The following DACH2 variants were observed in gnomAD, a reference collection of about 807,000 sequenced individuals.
The protein encoded by DACH2 is dachshund family transcription factor 2.
A neutral mutation model predicts 35.8 loss-of-function variants in DACH2; 17 were observed. That is an observed-to-expected ratio of 0.48 (90% CI 0.33 to 0.71). The LOEUF is 0.71. Among genes scored for constraint, DACH2 ranks in the 30% least tolerant of loss-of-function variants. The probability of loss-of-function intolerance (pLI) is 0.02; values close to 1 mark genes in which losing one functional copy is unlikely to be tolerated. For missense variants in DACH2, 469 were observed against 472.7 expected, an observed-to-expected ratio of 0.99 and a Z score of 0.07; for synonymous variants, 195 against 177.3, an observed-to-expected ratio of 1.10 and a Z score of -0.79.
chrX:86,660,044 C>T (rs774175523), intron 4 of DACH2, among the ~76,000 whole-genome samples: 32 of 111,143 alleles, frequency 2.9e-4, no homozygotes, highest in Non-Finnish European at 5.9e-4. Context: ...AGTACACTGA[C>T]AGAAATGTTT....
intron 7 of DACH2, among the ~76,000 whole-genome samples, chrX:86,778,230 G>T (rs747959951): frequency 1.3e-4 from 14 of 111,035 alleles, no homozygotes; most frequent in Non-Finnish European, 2.5e-4. Context: ...TTTCCATAAT[G>T]GCTGTACTGA....
rs1424496233 is a variant in DACH2, at chrX:86,285,853, T to C, written c.489-90971T>C. Among the ~76,000 whole-genome samples, 3 of 111,186 alleles carry C rather than the reference T, an allele frequency of 2.7e-5. No individual in the cohort carries two copies. The Admixed American group carries it at 2.9e-4, about 11-fold the overall frequency. On this transcript the variant is annotated intron_variant, in intron 1 of 11. Transcript: ENST00000373125. Reference sequence around the variant, plus strand: ...TTTATACATTTCGGTGCTCCAGTGTTGGGTGTATATATATTTAAATTGTAT... The same window carrying C: ...TTTATACATTTCGGTGCTCCAGTGTCGGGTGTATATATATTTAAATTGTAT...
intron 5 of DACH2, among the ~76,000 whole-genome samples, chrX:86,705,028 T>TTATATATATATATATATCTCA (rs2041195890): frequency 2.9e-5 from 1 of 34,921 alleles, no homozygotes; most frequent in Non-Finnish European, 5.7e-5. Context: ...ACAGAAATTG[T>TTATATATATATATATATCTCA]TATATATATA....
At chrX:86,274,451 CTTTTT>C (rs1160584218) in intron 1 of DACH2, among the ~76,000 whole-genome samples, 1 of 31,320 alleles carries the variant, frequency 3.2e-5, no homozygotes, top group Non-Finnish European at 5.1e-5. Flanking sequence ...ACATTAAATC[CTTTTT>C]TTTTTTTTCT....
intron 2 of DACH2, among the ~76,000 whole-genome samples, chrX:86,383,109 AG>A (rs2148110858): frequency 9.0e-6 from 1 of 110,889 alleles, no homozygotes; most frequent in African/African-American, 3.3e-5. Context: ...CAACTGGGTT[AG>A]CTAATTTTTT....
rs977156129 is a variant in DACH2 at position 86,463,087 on chromosome X, C to T, written c.528-51192C>T. ...AACAGATTCTGATTGCAAAGCACTA[C>T]GATAGAAACTAACCATAATATTCAA... On this transcript the variant is annotated intron_variant, in intron 2 of 11. Coordinates refer to ENST00000373125, the MANE Select transcript of DACH2 (RefSeq NM_053281.3). 8.1e-5 allele frequency among the ~76,000 whole-genome samples: 9 copies of T among 111,163 alleles called. 1 individual carries two copies. Among genetic ancestry groups the T allele is most frequent in the East Asian group, 5.6e-4 (2 of 3,540 alleles).
At chrX:86,396,933 A>C (rs2036307560) in intron 2 of DACH2, among the ~76,000 whole-genome samples, 2 of 111,110 alleles carry the variant, frequency 1.8e-5, no homozygotes, top group South Asian at 7.7e-4. Flanking sequence ...GAAGAAAGTC[A>C]TTGGTAGCTT....
At chrX:86,415,868 ATGT>A (rs2036696316) in intron 2 of DACH2, among the ~76,000 whole-genome samples, 2 of 111,802 alleles carry the variant, frequency 1.8e-5, no homozygotes, top group South Asian at 7.5e-4. Flanking sequence ...AATTAATAAA[ATGT>A]TGTGTATATA....
At chrX:86,623,995 T>C (rs936261117) in intron 3 of DACH2, among the ~76,000 whole-genome samples, 1 of 80,404 alleles carries the variant, frequency 1.2e-5, no homozygotes, top group Non-Finnish European at 2.3e-5. Context: ...TTGCAGTGAG[T>C]CGAGATCGCG....
intron 2 of DACH2, among the ~76,000 whole-genome samples, chrX:86,438,530 C>T (rs779493252): frequency 9.0e-6 from 1 of 111,648 alleles, no homozygotes; most frequent in South Asian, 3.7e-4. Flanking sequence ...TTGGCCCGAA[C>T]TCATTCTTTT....
chrX:86,397,335 A>T (rs1391097767), intron 2 of DACH2, among the ~76,000 whole-genome samples: 1 of 111,686 alleles, frequency 9.0e-6, no homozygotes, highest in Non-Finnish European at 1.9e-5. Context: ...GTCATCTGCA[A>T]ACAGGGACAA....
intron 7 of DACH2, among the ~76,000 whole-genome samples, chrX:86,801,145 G>T (rs2042289614): frequency 9.0e-6 from 1 of 110,905 alleles, no homozygotes; most frequent in South Asian, 3.8e-4. Flanking sequence ...TGAAATTATG[G>T]TATCAAACTC....
chrX:86,491,967 C>A (rs1307816151), intron 2 of DACH2, among the ~76,000 whole-genome samples: 1 of 110,979 alleles, frequency 9.0e-6, no homozygotes, highest in Admixed American at 9.6e-5. Flanking sequence ...ATCAACATAC[C>A]CTATCTATAT....
chrX:86,669,960 G>A (rs1298553738), intron 4 of DACH2, among the ~76,000 whole-genome samples: 1 of 109,476 alleles, frequency 9.1e-6, no homozygotes, highest in African/African-American at 3.3e-5. Flanking sequence ...TCTTTCTTTT[G>A]CAAAGGAAAA....
Position 86,826,448 on chromosome X carries a change from A to T in DACH2, c.1751-5658A>T, listed in dbSNP as rs984443019. Among the ~76,000 whole-genome samples the T allele has an allele frequency of 5.5e-5, 6 of 108,153 alleles. No individual in the cohort carries two copies. In the East Asian group the frequency reaches 8.5e-4, roughly 15 times the overall value. 93.9% of individuals were successfully genotyped at this position (108,153 alleles called of 115,157 possible). A position where few individuals can be genotyped will look rare whatever the true frequency, so the allele number is the denominator to read the frequency against. ...TTATTTTCAAGAAACCTCTGTTTTT[A>T]AAAAAATATGTCATGTTCTAAAAAT... is the stretch of plus-strand genomic sequence containing the variant. On this transcript the variant is annotated intron_variant, in intron 11 of 11. Coordinates refer to ENST00000373125, the MANE Select transcript of DACH2 (RefSeq NM_053281.3).
chrX:86,391,274 C>A (rs1300811197), intron 2 of DACH2, among the ~76,000 whole-genome samples: 1 of 61,258 alleles, frequency 1.6e-5, no homozygotes, highest in African/African-American at 7.0e-5. Flanking sequence ...CAGAGTGAGG[C>A]TCTGTCTTAA....
At chrX:86,698,514 G>GTTTGTTTTTTTTT (rs2041093787) in intron 5 of DACH2, among the ~76,000 whole-genome samples, 1 of 34,343 alleles carries the variant, frequency 2.9e-5, no homozygotes, top group Non-Finnish European at 4.9e-5. Context: ...TGTTTTGTTA[G>GTTTGTTTTTTTTT]TTTTGTGTTT....
chrX:86,615,298 T>A (rs1470889652), intron 3 of DACH2, among the ~76,000 whole-genome samples: 2 of 111,805 alleles, frequency 1.8e-5, no homozygotes, highest in Non-Finnish European at 3.8e-5. Context: ...CTTCATGTTG[T>A]TTAATTATTA....
Position 86,651,062 on chromosome X carries a change from G to A in DACH2, c.667G>A (p.Ala223Thr). The A allele has an allele frequency of 1.7e-6, 2 of 1,207,356 alleles. No homozygotes were observed. Among genetic ancestry groups the A allele is most frequent in the Non-Finnish European group, 2.2e-6 (2 of 893,203 alleles). Reference protein sequence around the residue: ...TGITAAAMAEAMKLQKMKLMA... With the variant: ...TGITAAAMAETMKLQKMKLMA... ...TATAACAGCTGCAGCGATGGCTGAG[G>A]CGATGAAACTTCAGAAGATGAAGCT... Residue 223 changes from alanine to threonine, a missense_variant, in exon 4 of 12, where the codon GCG (alanine) becomes ACG (threonine). Around this residue, in one of 3 missense-constraint regions of DACH2, gnomAD observed 363 missense variants for 334.4 expected, o/e 1.09. Transcript: ENST00000373125.
Sources: gnomAD v4.1 joint callset for allele counts (sites outside exome capture counted in the v4.1 genomes callset) on GRCh38, gnomAD v4.1.1 for gene constraint, gnomAD v4.1.1 regional missense constraint, MANE v1.5 for transcripts, NCBI Gene and HGNC (gene_info 2026-07-23, HGNC 2026-07-21) for gene names.